CDH17: variants seen among roughly 807,000 people sequenced by gnomAD.
CDH17 encodes the protein cadherin-17.
CDH17 carries 67 observed loss-of-function variants against 86.3 expected under a neutral mutation model. The observed-to-expected ratio is 0.78, with a 90% CI of 0.64 to 0.95. CDH17 has a LOEUF of 0.95. CDH17 is among the 40% of genes least tolerant of loss of function. The probability of loss-of-function intolerance (pLI) is 0.00; values close to 1 mark genes in which losing one functional copy is unlikely to be tolerated. For synonymous variants in CDH17, 367 were observed against 366.4 expected, an observed-to-expected ratio of 1.00 and a Z score of -0.02; for missense variants, 993 against 1,017.6, an observed-to-expected ratio of 0.98 and a Z score of 0.33.
chr8:94,206,366 C>A lies in CDH17; in HGVS notation c.-21+2117G>T, dbSNP rs140674143. The stretch of plus-strand genomic sequence containing the variant: ...GGATAATCAACGAGCAGTTACAGAA[C>A]AACTAGCCCCATTCTAAATCTGATA... On this transcript the variant is annotated intron_variant, in intron 1 of 17. Coordinates refer to ENST00000027335, the MANE Select transcript of CDH17 (RefSeq NM_004063.4). 5.9e-5 allele frequency among the ~76,000 whole-genome samples: 9 copies of A among 152,284 alleles called. 1 individual carries two copies. In the South Asian group the frequency reaches 1.0e-3, roughly 18 times the overall value.
chr8:94,165,609 A>G, intron 10 of CDH17, 152 bp downstream of exon 10: 1 of 652,282 alleles, frequency 1.5e-6, no homozygotes, highest in African/African-American at 1.8e-5. Flanking sequence ...GTGTTCAACC[A>G]GCTATCTCTG....
intron 15 of CDH17, among the ~76,000 whole-genome samples, chr8:94,136,288 C>A (rs1812524189): frequency 6.6e-6 from 1 of 152,224 alleles, no homozygotes; most frequent in Non-Finnish European, 1.5e-5. Flanking sequence ...CTTTCAGGTA[C>A]ACCAATTAGA....
intron 3 of CDH17, among the ~76,000 whole-genome samples, chr8:94,187,014 T>A (rs113434588): frequency 2.0e-5 from 3 of 152,366 alleles, no homozygotes; most frequent in African/African-American, 7.2e-5. Context: ...GCTTCCTGAC[T>A]GTGAGCACCT....
At chr8:94,135,802 T>C (rs964221718) in intron 15 of CDH17, among the ~76,000 whole-genome samples, 2 of 152,256 alleles carry the variant, frequency 1.3e-5, no homozygotes, top group African/African-American at 4.8e-5. Context: ...TGGTTGTTCC[T>C]TTCCATGTTT....
chr8:94,185,276 TACACACACACAC>T (rs71277462), intron 3 of CDH17, among the ~76,000 whole-genome samples: 26 of 136,800 alleles, frequency 1.9e-4, no homozygotes, highest in African/African-American at 2.9e-4. Flanking sequence ...CCTACCCCAA[TACACACACACAC>T]ACACACACAC....
intron 9 of CDH17, among the ~76,000 whole-genome samples, chr8:94,168,939 CCT>C (rs1813217858): frequency 6.6e-6 from 1 of 152,076 alleles, no homozygotes; most frequent in South Asian, 2.1e-4. Context: ...GTACTCTTTC[CCT>C]CTCTCTCAGA....
chr8:94,175,118 T>A (rs369811880), intron 5 of CDH17, among the ~76,000 whole-genome samples: 1 of 152,178 alleles, frequency 6.6e-6, no homozygotes, highest in East Asian at 1.9e-4. Flanking sequence ...ATTCTACAAA[T>A]CAGAGCTTTG....
intron 14 of CDH17, 56 bp downstream of exon 14, chr8:94,148,688 G>A: frequency 7.2e-7 from 1 of 1,390,798 alleles, no homozygotes; most frequent in Non-Finnish European, 9.4e-7. Flanking sequence ...TTCAACCCAT[G>A]TATCTTCTGA....
intron 1 of CDH17, chr8:94,202,173 ATTT>A (rs34298667): frequency 9.8e-5 from 14 of 142,496 alleles, no homozygotes; most frequent in South Asian, 2.3e-4. Context: ...GCTGGTATCG[ATTT>A]TTTTTTTTTT....
Position 94,146,095 on chromosome 8 carries a change from A to T in CDH17, c.2000T>A (p.Leu667Gln). 6.2e-7 allele frequency: 1 copy of T among 1,612,714 alleles called. No individual in the cohort carries two copies. The highest frequency in any genetic ancestry group is 1.1e-5 in the South Asian group (1 of 90,660). The change falls in exon 15 of 18, where the codon CTA becomes CAA. Residue 667 changes from leucine (L) to glutamine (Q), a missense_variant. Transcript: ENST00000027335. ...LMDVNDNPPRLAKDYTGLFFC... is the reference protein window; with the variant it reads ...LMDVNDNPPRQAKDYTGLFFC... The stretch of plus-strand genomic sequence containing the variant: ...GAACAAGCCCGTGTAGTCCTTGGCT[A>T]GCCTGGGAGGGTTGTCATTCACATC...
intron 9 of CDH17, among the ~76,000 whole-genome samples, chr8:94,167,962 TGA>T (rs1455610312): frequency 5.3e-5 from 8 of 151,308 alleles, no homozygotes; most frequent in Non-Finnish European, 1.2e-4. Context: ...GGGGTTTTTA[TGA>T]GAGTCTAAAT....
At chr8:94,203,866 T>C (rs1017264365) in intron 1 of CDH17, among the ~76,000 whole-genome samples, 1 of 152,068 alleles carries the variant, frequency 6.6e-6, no homozygotes, top group South Asian at 2.1e-4. Flanking sequence ...GGGATGAACA[T>C]ACATACATAA....
intron 1 of CDH17, among the ~76,000 whole-genome samples, chr8:94,199,083 A>ATATATATATATTT (rs1283889347): frequency 1.3e-4 from 3 of 23,224 alleles, no homozygotes; most frequent in African/African-American, 2.1e-4. Flanking sequence ...ATATATATAT[A>ATATATATATATTT]TTTTTTTTTT....
rs187103327 is a variant in CDH17, at chr8:94,216,020, T to A, written c.-21+1178A>T. Among the ~76,000 whole-genome samples, 5 of 152,272 alleles carry A rather than the reference T, an allele frequency of 3.3e-5. No homozygotes were observed. In the East Asian group the frequency reaches 9.7e-4, roughly 29 times the overall value. ...GTGGGCATAATGGCCCCTCAGCCCC[T>A]CTGATAGTGTCTCAGCCCAGGCAGT... On this transcript the variant is annotated intron_variant, in intron 1 of 17. Transcript: ENST00000450165.
chr8:94,138,765 A>G (rs1812581222), intron 15 of CDH17, among the ~76,000 whole-genome samples: 2 of 152,328 alleles, frequency 1.3e-5, no homozygotes, highest in Admixed American at 6.5e-5. Context: ...GCTACCAGGT[A>G]GAATACATAG....
intron 3 of CDH17, among the ~76,000 whole-genome samples, chr8:94,184,906 G>A (rs983199306): frequency 2.6e-5 from 4 of 152,040 alleles, no homozygotes; most frequent in African/African-American, 7.2e-5. Context: ...CAACCTCATG[G>A]GGCAATGAGT....
At chr8:94,210,285 A>T (rs1446678564), upstream of CDH17, among the ~76,000 whole-genome samples, 1 of 148,244 alleles carries the variant, frequency 6.7e-6, no homozygotes, top group African/African-American at 2.5e-5. Flanking sequence ...GCATGAGCCC[A>T]TTCCTGTTGG....
chr8:94,159,463 G>T (rs535369284), intron 12 of CDH17, among the ~76,000 whole-genome samples: 1 of 152,088 alleles, frequency 6.6e-6, no homozygotes, highest in Non-Finnish European at 1.5e-5. Flanking sequence ...AGAATAAAGG[G>T]TTTACAGCCT....
rs1812865903 is a variant in CDH17, at chr8:94,152,030, T to C, written c.1634A>G (p.Tyr545Cys). The change falls in exon 13 of 18, where the codon TAC becomes TGC. Residue 545 changes from tyrosine to cysteine, a missense_variant. Physicochemically the swap from Tyr to Cys is radical, Grantham distance 194 (BLOSUM62 -2). Coordinates refer to ENST00000027335, the MANE Select transcript of CDH17 (RefSeq NM_004063.4). Reference protein sequence around the residue: ...NPEPLVFGVKYNASSFAKFTL... With the variant: ...NPEPLVFGVKCNASSFAKFTL... Reference sequence around the variant, plus strand: ...GAACTTGGCAAAAGAACTTGCATTGTACTTCACACCAAACACTAGAGGCTC... The same window carrying C: ...GAACTTGGCAAAAGAACTTGCATTGCACTTCACACCAAACACTAGAGGCTC... 6.2e-7 allele frequency: 1 copy of C among 1,614,086 alleles called. No individual in the cohort carries two copies. The highest frequency in any genetic ancestry group is 1.3e-5 in the African/African-American group (1 of 74,954).
Sources: allele counts gnomAD v4.1 joint callset (sites outside exome capture counted in the v4.1 genomes callset), GRCh38; gene constraint gnomAD v4.1.1; transcripts MANE v1.5; gene names NCBI Gene and HGNC (gene_info 2026-07-23, HGNC 2026-07-21).